Variants in TNNI3K observed in about 807,000 individuals in gnomAD.
The protein encoded by TNNI3K is serine/threonine-protein kinase TNNI3K.
TNNI3K carries 140 observed loss-of-function variants against 114.5 expected under a neutral mutation model. The ratio of observed to expected loss-of-function variants is 1.22; its 90% CI spans 1.07 to 1.41. The LOEUF (loss-of-function observed/expected upper bound fraction) is 1.41, where lower values mean the gene tolerates loss of function less well. Among genes scored for constraint, TNNI3K ranks in the 40% most tolerant of loss-of-function variants. TNNI3K has a pLI of 0.00. For missense variants in TNNI3K, 1,125 were observed against 1,007.6 expected (o/e 1.12, Z -1.58); for synonymous variants, 347 against 347.5 (o/e 1.00, Z 0.02).
At chr1:74,537,229 C>G (rs1409418364) in intron 23 of TNNI3K, among the ~76,000 whole-genome samples, 1 of 152,248 alleles carries the variant, frequency 6.6e-6, no homozygotes, top group East Asian at 1.9e-4. Flanking sequence ...GCCAAGACTA[C>G]TTTGTATAGT....
At chr1:74,540,354 C>A in intron 24 of TNNI3K, 41 bp downstream of exon 24, 2 of 1,579,540 alleles carry the variant, frequency 1.3e-6, no homozygotes, top group East Asian at 2.3e-5. Context: ...GAAAACTACC[C>A]CTAGGAAGGT....
At chr1:74,269,506 T>C (rs501159) in intron 4 of TNNI3K, among the ~76,000 whole-genome samples, 151,463 of 151,862 alleles carry the variant, frequency 1, 75,534 homozygotes, top group Middle Eastern at 1. Flanking sequence ...AAGTATTAGT[T>C]GAGGAGACTA....
intron 17 of TNNI3K, among the ~76,000 whole-genome samples, chr1:74,394,605 C>T (rs1163512053): frequency 2.6e-5 from 4 of 152,218 alleles, no homozygotes; most frequent in African/African-American, 9.6e-5. Flanking sequence ...TGAAAGTTTA[C>T]TAGCCTGCAA....
intron 23 of TNNI3K, among the ~76,000 whole-genome samples, chr1:74,527,634 A>G (rs7526762): frequency 0.42 from 64,154 of 152,078 alleles, 15,507 homozygotes; most frequent in Non-Finnish European, 0.56. Context: ...TGAGGGCTTT[A>G]TCAGCCAGGA....
chr1:74,245,154 A>G, intron 2 of TNNI3K, among the ~76,000 whole-genome samples: 1 of 152,192 alleles, frequency 6.6e-6, no homozygotes, highest in East Asian at 1.9e-4. Context: ...GGTGGGGGGA[A>G]GTAGCATCTG....
intron 6 of TNNI3K, among the ~76,000 whole-genome samples, chr1:74,334,775 C>A (rs1424795142): frequency 6.6e-6 from 1 of 152,094 alleles, no homozygotes; most frequent in East Asian, 1.9e-4. Context: ...CTGAAGCTGC[C>A]ATGAAAATCA....
chr1:74,494,581 T>G (rs1234436755), intron 23 of TNNI3K, among the ~76,000 whole-genome samples: 1 of 152,222 alleles, frequency 6.6e-6, no homozygotes, highest in African/African-American at 2.4e-5. Flanking sequence ...TACTTGTGTC[T>G]TTTAAAGCTA....
intron 2 of TNNI3K, among the ~76,000 whole-genome samples, chr1:74,238,466 C>T (rs1389319772): frequency 6.6e-6 from 1 of 151,780 alleles, no homozygotes; most frequent in Non-Finnish European, 1.5e-5. Flanking sequence ...TAAATAAGGA[C>T]AGTTTGAAGG....
intron 5 of TNNI3K, among the ~76,000 whole-genome samples, chr1:74,315,588 A>T (rs944985286): frequency 6.6e-6 from 1 of 152,042 alleles, no homozygotes; most frequent in African/African-American, 2.4e-5. Context: ...GTAGGAAAAC[A>T]AGATAGCTTG....
intron 5 of TNNI3K, among the ~76,000 whole-genome samples, chr1:74,311,017 C>A (rs1416779206): frequency 1.3e-5 from 2 of 152,090 alleles, no homozygotes; most frequent in Non-Finnish European, 2.9e-5. Flanking sequence ...GTCAGTTGGT[C>A]CCCAGTTAAA....
intron 9 of TNNI3K, among the ~76,000 whole-genome samples, chr1:74,352,745 G>T (rs369990735): frequency 6.6e-6 from 1 of 152,134 alleles, no homozygotes; most frequent in African/African-American, 2.4e-5. Context: ...GCGAGGCTCC[G>T]TGGGCATAGG....
chr1:74,297,703 C>T (rs1411761783), intron 5 of TNNI3K, among the ~76,000 whole-genome samples: 2 of 152,060 alleles, frequency 1.3e-5, no homozygotes, highest in African/African-American at 4.8e-5. Context: ...TTTGGGTTTT[C>T]TCATAGCATG....
intron 4 of TNNI3K, among the ~76,000 whole-genome samples, chr1:74,253,983 G>C (rs962579940): frequency 1.3e-5 from 2 of 152,184 alleles, no homozygotes; most frequent in Non-Finnish European, 2.9e-5. Context: ...ATTATCCCTT[G>C]ACAGAACTAC....
intron 4 of TNNI3K, among the ~76,000 whole-genome samples, chr1:74,256,979 A>C (rs1655354233): frequency 1.3e-5 from 2 of 152,154 alleles, no homozygotes; most frequent in South Asian, 2.1e-4. Context: ...TTATGGTTTC[A>C]TCAAATTCAG....
chr1:74,464,542 TA>T, intron 21 of TNNI3K: 2 of 1,437,382 alleles, frequency 1.4e-6, no homozygotes, highest in Non-Finnish European at 1.8e-6. Context: ...GTGAGGCTAT[TA>T]TTTCAGGAAA....
At chr1:74,386,848 G>A (rs1209073174) in intron 17 of TNNI3K, among the ~76,000 whole-genome samples, 2 of 152,142 alleles carry the variant, frequency 1.3e-5, no homozygotes, top group Non-Finnish European at 2.9e-5. Flanking sequence ...ATCCCTTGAT[G>A]ACTATAAATG....
At chr1:74,440,639 G>T (rs1327247083) in intron 20 of TNNI3K, among the ~76,000 whole-genome samples, 3 of 151,934 alleles carry the variant, frequency 2.0e-5, no homozygotes, top group Non-Finnish European at 4.4e-5. Context: ...CTTTTCACAG[G>T]TTATGTGCTC....
intron 20 of TNNI3K, among the ~76,000 whole-genome samples, chr1:74,441,623 T>C (rs1184870328): frequency 6.6e-6 from 1 of 152,110 alleles, no homozygotes; most frequent in East Asian, 1.9e-4. Context: ...AGAATTTCAG[T>C]TGTTTCACGT....
At chr1:74,309,229 G>A (rs1458029627) in intron 5 of TNNI3K, among the ~76,000 whole-genome samples, 4 of 149,292 alleles carry the variant, frequency 2.7e-5, no homozygotes, top group African/African-American at 9.9e-5. Context: ...TTAGCCGGGC[G>A]AGGTGGCGGG....
Sources: allele counts gnomAD v4.1 joint callset (sites outside exome capture counted in the v4.1 genomes callset), GRCh38; gene constraint gnomAD v4.1.1; transcripts MANE v1.5; gene names NCBI Gene and HGNC (gene_info 2026-07-23, HGNC 2026-07-21).